CSNK2A2IP: variants seen among roughly 807,000 people sequenced by gnomAD.
CSNK2A2IP encodes the protein casein kinase II subunit alpha'-interacting protein.
the CSNK2A2IP span, chr3:88,382,758 A>T: frequency 3.9e-5 from 6 of 152,220 alleles, no homozygotes; most frequent in African/African-American, 1.4e-4. Flanking sequence ...CCCTGATTGA[A>T]GCAACTCTGG....
the CSNK2A2IP span, among the ~76,000 whole-genome samples, chr3:88,438,914 T>C: frequency 7.4e-6 from 1 of 135,400 alleles, no homozygotes; most frequent in Non-Finnish European, 1.7e-5. Flanking sequence ...CTCCATGTTG[T>C]CTTCAAACTC....
chr3:88,364,471 T>C, the CSNK2A2IP span, among the ~76,000 whole-genome samples: 1 of 151,818 alleles, frequency 6.6e-6, no homozygotes, highest in Non-Finnish European at 1.5e-5. Flanking sequence ...GAGACAGGAG[T>C]ATAAAAATAT....
the CSNK2A2IP span, among the ~76,000 whole-genome samples, chr3:88,436,852 G>A: frequency 0.36 from 54,687 of 151,818 alleles, 11,096 homozygotes; most frequent in Non-Finnish European, 0.47. Flanking sequence ...TGAAAATCTT[G>A]ATCAGCTTCC....
the CSNK2A2IP span, among the ~76,000 whole-genome samples, chr3:88,436,721 A>G: frequency 1.2e-3 from 189 of 152,270 alleles, no homozygotes; most frequent in Non-Finnish European, 1.9e-3. Flanking sequence ...AGATCTTCAT[A>G]TGATCCTGAT....
chr3:88,462,715 A>G, the CSNK2A2IP span, among the ~76,000 whole-genome samples: 1 of 152,196 alleles, frequency 6.6e-6, no homozygotes, highest in African/African-American at 2.4e-5. Flanking sequence ...TAAATGAAGA[A>G]GTGCTTGGAA....
At chr3:88,355,449 T>A in the CSNK2A2IP span, among the ~76,000 whole-genome samples, 1 of 152,000 alleles carries the variant, frequency 6.6e-6, no homozygotes, top group Non-Finnish European at 1.5e-5. Context: ...GCAAAAAAAA[T>A]CTGCATTCCA....
the CSNK2A2IP span, among the ~76,000 whole-genome samples, chr3:88,363,664 A>G: frequency 6.6e-6 from 1 of 152,150 alleles, no homozygotes; most frequent in South Asian, 2.1e-4. Context: ...TTCTATAAGT[A>G]TTCTTGAATG....
chr3:88,446,234 G>T, the CSNK2A2IP span, among the ~76,000 whole-genome samples: 1 of 151,534 alleles, frequency 6.6e-6, no homozygotes, highest in Non-Finnish European at 1.5e-5. Flanking sequence ...GATTACAGGC[G>T]CATGCCACTA....
the CSNK2A2IP span, among the ~76,000 whole-genome samples, chr3:88,404,927 C>T: frequency 6.6e-6 from 1 of 152,030 alleles, no homozygotes; most frequent in Non-Finnish European, 1.5e-5. Flanking sequence ...AATAAGAACC[C>T]CCTGTTCCTG....
the CSNK2A2IP span, among the ~76,000 whole-genome samples, chr3:88,396,529 C>T: frequency 6.6e-6 from 1 of 152,046 alleles, no homozygotes; most frequent in Non-Finnish European, 1.5e-5. Flanking sequence ...ACTAGGTTAG[C>T]GAGGAGTGAA....
chr3:88,436,725 T>C, the CSNK2A2IP span, among the ~76,000 whole-genome samples: 2 of 152,104 alleles, frequency 1.3e-5, no homozygotes, highest in Non-Finnish European at 1.5e-5. Flanking sequence ...CTTCATATGA[T>C]CCTGATAGTA....
the CSNK2A2IP span, among the ~76,000 whole-genome samples, chr3:88,390,872 T>C: frequency 6.6e-6 from 1 of 152,228 alleles, no homozygotes; most frequent in African/African-American, 2.4e-5. Flanking sequence ...ATATTTATGA[T>C]GGTATTAATA....
the CSNK2A2IP span, among the ~76,000 whole-genome samples, chr3:88,366,165 A>G: frequency 6.6e-6 from 1 of 152,056 alleles, no homozygotes; most frequent in East Asian, 1.9e-4. Flanking sequence ...AGGATTTTAA[A>G]CTCCAGCACT....
the CSNK2A2IP span, among the ~76,000 whole-genome samples, chr3:88,357,054 T>C: frequency 6.6e-6 from 1 of 152,146 alleles, no homozygotes; most frequent in Non-Finnish European, 1.5e-5. Context: ...TCTCCTGTTT[T>C]GTGGGTTGTC....
chr3:88,462,051 T>A, the CSNK2A2IP span, among the ~76,000 whole-genome samples: 1 of 151,682 alleles, frequency 6.6e-6, no homozygotes, highest in Non-Finnish European at 1.5e-5. Context: ...GTTTTGCCCA[T>A]CCTAATTCCA....
the CSNK2A2IP span, among the ~76,000 whole-genome samples, chr3:88,375,010 G>A: frequency 1.7e-4 from 26 of 151,754 alleles, no homozygotes; most frequent in African/African-American, 6.0e-4. Context: ...ACAACCTCAT[G>A]CATAAAATTA....
the CSNK2A2IP span, among the ~76,000 whole-genome samples, chr3:88,348,455 T>G: frequency 6.6e-6 from 1 of 152,068 alleles, no homozygotes; most frequent in Non-Finnish European, 1.5e-5. Flanking sequence ...ACTCAGAGGA[T>G]GTACAGGTAA....
chr3:88,414,116 G>C, the CSNK2A2IP span, among the ~76,000 whole-genome samples: 2 of 150,704 alleles, frequency 1.3e-5, no homozygotes, highest in African/African-American at 4.9e-5. Context: ...TAGGGAAACA[G>C]ACTATCTCTT....
chr3:88,411,387 A>ATCTATCTATCTGTCTG, the CSNK2A2IP span, among the ~76,000 whole-genome samples: 3 of 121,022 alleles, frequency 2.5e-5, no homozygotes, highest in African/African-American at 8.0e-5. Context: ...CTGTCTATCT[A>ATCTATCTATCTGTCTG]TCTATCTATC....
Sources: allele counts gnomAD v4.1 joint callset (sites outside exome capture counted in the v4.1 genomes callset), GRCh38; gene constraint gnomAD v4.1.1; transcripts MANE v1.5; gene names NCBI Gene and HGNC (gene_info 2026-07-23, HGNC 2026-07-21).